Variants in KCNN2 observed in about 807,000 individuals in gnomAD.
KCNN2 encodes small conductance calcium-activated potassium channel protein 2.
In KCNN2, 24 loss-of-function variants were observed where a neutral mutation model predicts 55.5. That is an observed-to-expected ratio of 0.43 (90% CI 0.31 to 0.61). The LOEUF (loss-of-function observed/expected upper bound fraction) is 0.61, where lower values mean the gene tolerates loss of function less well. Ranked by LOEUF, KCNN2 falls within the 20% of genes least tolerant of loss-of-function variation. The pLI is 0.08. For synonymous variants in KCNN2, 431 were observed against 336.1 expected (o/e 1.28, Z -3.09); for missense variants, 754 against 853.6 (o/e 0.88, Z 1.45).
At chr5:114,345,612 G>A (rs1757091437) in intron 2 of KCNN2, among the ~76,000 whole-genome samples, 1 of 152,120 alleles carries the variant, frequency 6.6e-6, no homozygotes, top group African/African-American at 2.4e-5. Context: ...AACTAACTTT[G>A]GAAAACATTA....
chr5:114,243,845 A>C (rs768064883), intron 2 of KCNN2, among the ~76,000 whole-genome samples: 13 of 152,200 alleles, frequency 8.5e-5, no homozygotes, highest in Non-Finnish European at 1.6e-4. Context: ...AGCAGGTTTC[A>C]CTTTGGGTAA....
At chr5:114,135,836 T>A (rs1357708792) in intron 1 of KCNN2, among the ~76,000 whole-genome samples, 1 of 152,176 alleles carries the variant, frequency 6.6e-6, no homozygotes, top group East Asian at 1.9e-4. Context: ...ATGAACACAA[T>A]GTGATCTTTA....
chr5:114,345,222 G>A (rs1024271347), intron 2 of KCNN2, among the ~76,000 whole-genome samples: 6 of 152,012 alleles, frequency 3.9e-5, no homozygotes, highest in African/African-American at 1.4e-4. Context: ...AAGGGTAAAA[G>A]AATACACTAC....
At chr5:114,476,181 T>TC (rs70976346) in intron 5 of KCNN2, among the ~76,000 whole-genome samples, 2 of 93,814 alleles carry the variant, frequency 2.1e-5, no homozygotes, top group Non-Finnish European at 4.0e-5. Context: ...ATGCTATCCC[T>TC]CCCCCCACCC....
intron 4 of KCNN2, among the ~76,000 whole-genome samples, chr5:114,472,019 G>A (rs954658369): frequency 6.6e-6 from 1 of 152,288 alleles, no homozygotes; most frequent in South Asian, 2.1e-4. Context: ...ATTGTTATCT[G>A]TTTGTTGAGA....
At chr5:114,110,705 C>T (rs994954672) in intron 1 of KCNN2, among the ~76,000 whole-genome samples, 10 of 151,958 alleles carry the variant, frequency 6.6e-5, no homozygotes, top group African/African-American at 2.4e-4. Context: ...ATGCCTCGTG[C>T]CTTAGTTTGG....
At chr5:114,289,512 G>A (rs1337499801) in intron 2 of KCNN2, among the ~76,000 whole-genome samples, 1 of 151,914 alleles carries the variant, frequency 6.6e-6, no homozygotes. Context: ...AAGTATCTGG[G>A]ATTACAGGCG....
chr5:114,084,489 G>C (rs1474762143), intron 1 of KCNN2, among the ~76,000 whole-genome samples: 1 of 151,968 alleles, frequency 6.6e-6, no homozygotes, highest in African/African-American at 2.4e-5. Context: ...TATCTGTTCA[G>C]ATCTTTTTCT....
intron 5 of KCNN2, among the ~76,000 whole-genome samples, chr5:114,474,821 A>G: frequency 6.6e-6 from 1 of 152,140 alleles, no homozygotes; most frequent in Non-Finnish European, 1.5e-5. Context: ...TTAATGCCAC[A>G]CTTAAGATAT....
intron 1 of KCNN2, among the ~76,000 whole-genome samples, chr5:114,084,182 T>G (rs1276835375): frequency 6.6e-6 from 1 of 152,118 alleles, no homozygotes; most frequent in African/African-American, 2.4e-5. Context: ...TTCAAGTCAT[T>G]TGGGTAGACA....
intron 1 of KCNN2, among the ~76,000 whole-genome samples, chr5:114,091,591 T>C (rs1751145196): frequency 6.6e-6 from 1 of 152,184 alleles, no homozygotes; most frequent in Non-Finnish European, 1.5e-5. Context: ...ATTAGTCCAT[T>C]TTCATACTGC....
chr5:114,394,714 T>C (rs1421753194), intron 2 of KCNN2, among the ~76,000 whole-genome samples: 1 of 152,186 alleles, frequency 6.6e-6, no homozygotes, highest in Admixed American at 6.5e-5. Context: ...TACTTAGTTG[T>C]CTCCAAATCA....
intron 1 of KCNN2, among the ~76,000 whole-genome samples, chr5:114,156,038 A>G (rs1236508507): frequency 2.0e-5 from 3 of 152,138 alleles, no homozygotes; most frequent in African/African-American, 7.2e-5. Context: ...TCTTTAATCT[A>G]TCTTGACTTA....
chr5:114,181,324 G>A, intron 1 of KCNN2, among the ~76,000 whole-genome samples: 1 of 152,104 alleles, frequency 6.6e-6, no homozygotes, highest in East Asian at 1.9e-4. Context: ...ATCACCTTGT[G>A]GTTTTAATGT....
intron 1 of KCNN2, among the ~76,000 whole-genome samples, chr5:114,172,254 G>A (rs1753049600): frequency 2.0e-5 from 3 of 151,950 alleles, no homozygotes; most frequent in African/African-American, 4.8e-5. Context: ...TATGGGCAAA[G>A]TATCATGCAA....
chr5:114,396,738 G>T (rs1279551083), intron 2 of KCNN2, among the ~76,000 whole-genome samples: 1 of 151,900 alleles, frequency 6.6e-6, no homozygotes, highest in Non-Finnish European at 1.5e-5. Flanking sequence ...TTAGAGATGG[G>T]GTTTCATCAT....
chr5:114,424,406 A>G (rs1759557737), intron 3 of KCNN2, among the ~76,000 whole-genome samples: 1 of 152,214 alleles, frequency 6.6e-6, no homozygotes, highest in African/African-American at 2.4e-5. Flanking sequence ...TCACTAAGAG[A>G]TACTATATTT....
intron 2 of KCNN2, among the ~76,000 whole-genome samples, chr5:114,314,543 C>G (rs1414943664): frequency 6.6e-6 from 1 of 152,062 alleles, no homozygotes. Context: ...TTTGCCATTT[C>G]TCATATAACT....
At chr5:114,100,529 G>C (rs1751353175) in intron 1 of KCNN2, among the ~76,000 whole-genome samples, 1 of 152,000 alleles carries the variant, frequency 6.6e-6, no homozygotes, top group African/African-American at 2.4e-5. Context: ...AAAGAAGAGA[G>C]GAAGTATCCT....
Sources: gnomAD v4.1 joint callset for allele counts (sites outside exome capture counted in the v4.1 genomes callset) on GRCh38, gnomAD v4.1.1 for gene constraint, MANE v1.5 for transcripts, NCBI Gene and HGNC (gene_info 2026-07-23, HGNC 2026-07-21) for gene names.